The following FHAD1 variants were observed in gnomAD, a reference collection of about 807,000 sequenced individuals.
FHAD1 encodes forkhead associated phosphopeptide binding domain 1, also known as forkhead-associated domain-containing protein 1.
In FHAD1, 146 loss-of-function variants were observed where a neutral mutation model predicts 191.3. The ratio of observed to expected loss-of-function variants is 0.76; its 90% CI spans 0.67 to 0.88. The LOEUF is 0.88. Ranked by LOEUF, FHAD1 falls within the 40% of genes least tolerant of loss-of-function variation. FHAD1 has a pLI of 0.00. For missense variants in FHAD1, 1,635 were observed against 1,785.8 expected, an observed-to-expected ratio of 0.92 and a Z score of 1.52; for synonymous variants, 616 against 672.3, an observed-to-expected ratio of 0.92 and a Z score of 1.29.
intron 26 of FHAD1, among the ~76,000 whole-genome samples, chr1:15,372,066 A>G: frequency 6.6e-6 from 1 of 152,200 alleles, no homozygotes; most frequent in Admixed American, 6.5e-5. Flanking sequence ...AGATCAAGTA[A>G]AATGTCCAGT....
rs1229303591 is a variant in FHAD1, at chr1:15,289,567, G to T, written c.469G>T (p.Val157Leu). Residue 157 changes from valine (V) to leucine (L), a missense_variant, in exon 4 of 34, where the codon GTG becomes TTG. Transcript: ENST00000688493. The surrounding 1 kb of genome is among the most constrained non-coding windows in gnomAD (Gnocchi z 4.2). ...GTCCCAGGCCTTTCCCAGACCCACCGTGGTCCTGCCGGCCTCCCACAGGCG... is the reference window on the plus strand; with the variant it reads ...GTCCCAGGCCTTTCCCAGACCCACCTTGGTCCTGCCGGCCTCCCACAGGCG... Reference protein sequence around the residue: ...SWSQAFPRPTVVLPASHRRPV... With the variant: ...SWSQAFPRPTLVLPASHRRPV... 1 of 1,551,784 alleles carries T rather than the reference G, an allele frequency of 6.4e-7. No homozygotes were observed. Among genetic ancestry groups the T allele is most frequent in the Non-Finnish European group, 8.7e-7 (1 of 1,147,012 alleles).
chr1:15,401,316 A>G (rs1465265298), downstream of FHAD1, among the ~76,000 whole-genome samples: 3 of 151,998 alleles, frequency 2.0e-5, no homozygotes, highest in Admixed American at 6.6e-5. Flanking sequence ...ATTGCAACCA[A>G]ATGGGCATTT....
chr1:15,366,422 GA>G (rs1311374630), intron 24 of FHAD1, among the ~76,000 whole-genome samples: 2 of 151,988 alleles, frequency 1.3e-5, no homozygotes, highest in East Asian at 3.9e-4. Flanking sequence ...TACCCGCACT[GA>G]GTCTCTGACT....
rs146766488 is a variant in FHAD1, at chr1:15,274,374, G to T, written c.300+1845G>T. On this transcript the variant is annotated intron_variant, in intron 3 of 33. Coordinates refer to ENST00000688493, the MANE Select transcript of FHAD1 (RefSeq NM_001391957.1). ...TGTAATCCCAGCACTTTGGGAGGCC[G>T]AGCCGGGCAGATTGCCTGAGCTCAG... Among the ~76,000 whole-genome samples the T allele has an allele frequency of 3.8e-3, 571 of 152,222 alleles. 2 individuals are homozygous for T. The highest frequency in any genetic ancestry group is 0.013 in the African/African-American group (540 of 41,524).
intron 27 of FHAD1, among the ~76,000 whole-genome samples, chr1:15,375,102 C>A (rs1273241441): frequency 2.0e-5 from 3 of 151,992 alleles, no homozygotes; most frequent in Non-Finnish European, 4.4e-5. Flanking sequence ...GTGATCCACC[C>A]GCCTCAGCCT....
At chr1:15,241,049 CCTT>C (rs1350177373) in intron 1 of FHAD1, among the ~76,000 whole-genome samples, 2 of 152,204 alleles carry the variant, frequency 1.3e-5, no homozygotes, top group Non-Finnish European at 2.9e-5. Flanking sequence ...TTGGCCAGCT[CCTT>C]GATTGCAGCC....
chr1:15,275,681 GAA>G (rs1024765167), intron 3 of FHAD1, among the ~76,000 whole-genome samples: 2 of 151,946 alleles, frequency 1.3e-5, no homozygotes. Flanking sequence ...CTATAAAAAA[GAA>G]AAAAGGAGGT....
intron 28 of FHAD1, among the ~76,000 whole-genome samples, chr1:15,377,427 A>G (rs560805281): frequency 6.6e-6 from 1 of 152,294 alleles, no homozygotes; most frequent in East Asian, 1.9e-4. Flanking sequence ...CCCGCTCCCA[A>G]GACGGGCCTT....
At chr1:15,236,788 G>A (rs1644827067) in intron 1 of FHAD1, among the ~76,000 whole-genome samples, 1 of 152,204 alleles carries the variant, frequency 6.6e-6, no homozygotes, top group Admixed American at 6.5e-5. Context: ...CTTTCATGCT[G>A]AAGCTAGTTT....
At chr1:15,392,734 C>T (rs1376268297) in intron 33 of FHAD1, among the ~76,000 whole-genome samples, 1 of 152,194 alleles carries the variant, frequency 6.6e-6, no homozygotes, top group African/African-American at 2.4e-5. Context: ...GGATTTGTGC[C>T]TTTCTTTTCA....
chr1:15,277,853 C>T (rs528870324), intron 3 of FHAD1, among the ~76,000 whole-genome samples: 24 of 152,238 alleles, frequency 1.6e-4, no homozygotes, highest in Non-Finnish European at 2.8e-4. Context: ...TAATGTCTGG[C>T]GGCTAATGTT....
chr1:15,269,275 CTTCTT>C (rs1252242985), intron 2 of FHAD1, among the ~76,000 whole-genome samples: 6 of 152,026 alleles, frequency 3.9e-5, no homozygotes, highest in Non-Finnish European at 5.9e-5. Flanking sequence ...TCAGATCTTT[CTTCTT>C]TTCTTATGTG....
intron 12 of FHAD1, 37 bp from the exon 13 acceptor site, chr1:15,328,240 T>TC: frequency 1.5e-6 from 2 of 1,328,770 alleles, no homozygotes; most frequent in South Asian, 1.5e-5. Context: ...GTATGTTACA[T>TC]CTTTTTTTTT....
At chr1:15,380,874 T>G in intron 29 of FHAD1, 78 bp downstream of exon 29, 2 of 1,029,012 alleles carry the variant, frequency 1.9e-6, no homozygotes, top group East Asian at 2.6e-5. Flanking sequence ...CAGGATAGTT[T>G]AAATATCAAC....
chr1:15,319,499 G>A (rs1250863251), intron 10 of FHAD1, among the ~76,000 whole-genome samples: 2 of 152,098 alleles, frequency 1.3e-5, no homozygotes, highest in African/African-American at 4.8e-5. Context: ...AGTAGCTCAC[G>A]CCTGTAATCC....
chr1:15,313,448 G>A (rs568840040), intron 8 of FHAD1, among the ~76,000 whole-genome samples: 4 of 152,152 alleles, frequency 2.6e-5, no homozygotes, highest in African/African-American at 4.8e-5. Flanking sequence ...CCCAGAATAA[G>A]CAAGATGTAG....
chr1:15,280,520 G>A (rs1315191348), intron 3 of FHAD1, among the ~76,000 whole-genome samples: 2 of 152,116 alleles, frequency 1.3e-5, no homozygotes, highest in Non-Finnish European at 2.9e-5. Flanking sequence ...CAGCCTAGGG[G>A]ACTGCAGGGA....
intron 23 of FHAD1, 52 bp downstream of exon 23, chr1:15,362,778 G>C: frequency 6.9e-7 from 1 of 1,452,936 alleles, no homozygotes; most frequent in East Asian, 2.5e-5. Flanking sequence ...GCACCACCTG[G>C]GTGGGGGCAA....
chr1:15,373,081 T>C (rs1256926113), intron 26 of FHAD1, among the ~76,000 whole-genome samples: 1 of 152,218 alleles, frequency 6.6e-6, no homozygotes, highest in Non-Finnish European at 1.5e-5. Flanking sequence ...ATTGTTTAGC[T>C]CAGAGTTTAT....
Sources: allele counts gnomAD v4.1 joint callset (sites outside exome capture counted in the v4.1 genomes callset), GRCh38; gene constraint gnomAD v4.1.1; non-coding constraint Gnocchi (gnomAD v3.1); transcripts MANE v1.5; gene names NCBI Gene and HGNC (gene_info 2026-07-23, HGNC 2026-07-21).